Variants in ZNF513 observed in about 807,000 individuals in gnomAD.
ZNF513 encodes zinc finger protein 513.
A neutral mutation model predicts 39.7 loss-of-function variants in ZNF513; 16 were observed. The observed-to-expected ratio is 0.40, with a 90% confidence interval of 0.27 to 0.61. The LOEUF (loss-of-function observed/expected upper bound fraction) is 0.61. ZNF513 is among the 20% of genes least tolerant of loss of function. The pLI is 0.39. For synonymous variants in ZNF513, 348 were observed against 296.5 expected (o/e 1.17, Z -1.79); for missense variants, 699 against 743.6 (o/e 0.94, Z 0.70).
In ZNF513 at chr2:27,377,414, G is replaced by GC. The variant is rs765209450; in HGVS notation, c.*130dup. On this transcript the variant is annotated 3_prime_UTR_variant, in exon 4 of 4. Coordinates refer to ENST00000323703, the MANE Select transcript of ZNF513 (RefSeq NM_144631.6). This position sits in a 1 kb window ranked among gnomAD's most constrained non-coding sequence, Gnocchi z 4.4. ...AGGCAAGGTCCCCTGGTCCATATGG[G>GC]CCCCCCCGCCCATGGGGTTGGGCTG... The GC allele has an allele frequency of 3.2e-5, 32 of 1,010,792 alleles. No homozygotes were observed. Among genetic ancestry groups the GC allele is most frequent in the African/African-American group, 9.5e-5 (6 of 63,042 alleles). The allele number at this position is 1,010,792 out of a possible 1,614,324, so 62.6% of individuals were successfully genotyped here.
Position 27,380,560 on chromosome 2 carries a change from T to TGCGGCCGCCCGACCCCGCCCC in ZNF513, c.-55_-35dup. On this transcript the variant is annotated 5_prime_UTR_variant, in exon 1 of 4. Coordinates refer to ENST00000323703, the MANE Select transcript of ZNF513 (RefSeq NM_144631.6). Reference sequence around the variant, plus strand: ...GCTCCAGCCCGACGCGCCTCCGGCCTGCGGCCGCCCGACCCCGCCCCTCCT... The same window carrying TGCGGCCGCCCGACCCCGCCCC: ...GCTCCAGCCCGACGCGCCTCCGGCCTGCGGCCGCCCGACCCCGCCCCGCGGCCGCCCGACCCCGCCCCTCCT... 15 of 1,543,286 alleles carry TGCGGCCGCCCGACCCCGCCCC rather than the reference T, an allele frequency of 9.7e-6. No individual in the cohort carries two copies. The highest frequency in any genetic ancestry group is 1.2e-5 in the Non-Finnish European group (14 of 1,139,066).
Position 27,377,947 on chromosome 2 carries a change from G to C in ZNF513, c.1224C>G (p.Arg408=). The change falls in exon 4 of 4, where the codon CGC becomes CGG. Residue 408 remains arginine, a synonymous_variant. Coordinates refer to ENST00000323703, the MANE Select transcript of ZNF513 (RefSeq NM_144631.6). This position sits in a 1 kb window ranked among gnomAD's most constrained non-coding sequence, Gnocchi z 4.4. ...TGTAGGGCTTCTCTCCTGTATGGAC[G>C]CGCTGGTGCCGTTTCAGGTTATCCA... is the stretch of plus-strand genomic sequence containing the variant. ...AHLDNLKRHQ[R]VHTGEKPYKC... The C allele has an allele frequency of 6.2e-7, 1 of 1,613,966 alleles. No individual in the cohort carries two copies. Among genetic ancestry groups the C allele is most frequent in the Non-Finnish European group, 8.5e-7 (1 of 1,179,980 alleles).
intron 2 of ZNF513, 85 bp from the exon 3 acceptor site, chr2:27,379,139 C>T (rs1006911209): frequency 7.4e-7 from 1 of 1,346,954 alleles, no homozygotes; most frequent in African/African-American, 1.4e-5. Flanking sequence ...GGTCTCCCCA[C>T]TTGCTTGGCT....
chr2:27,379,046 G>C lies in ZNF513; in HGVS notation c.220C>G (p.Leu74Val). ...TAGGGAAGCCCAGGCCTGGCCCCCA[G>C]AGAGTCTCCTGGTGAAATAGACATA... ...GFERDSEGDSLGARPGLPYGL... is the reference protein window; with the variant it reads ...GFERDSEGDSVGARPGLPYGL... Residue 74 changes from leucine to valine, a missense_variant, in exon 3 of 4, where the codon CTG becomes GTG. Leu to Val is a conservative substitution (Grantham distance 32). Transcript: ENST00000323703. 6.2e-7 allele frequency: 1 copy of C among 1,612,772 alleles called. No homozygotes were observed. Among genetic ancestry groups the C allele is most frequent in the Non-Finnish European group, 8.5e-7 (1 of 1,179,922 alleles).
chr2:27,378,590 G>T lies in ZNF513; in HGVS notation c.676C>A (p.Arg226Ser). 6.2e-7 allele frequency: 1 copy of T among 1,613,862 alleles called. No homozygotes were observed. The change falls in exon 3 of 4, where the codon CGT (arginine) becomes AGT (serine). Residue 226 changes from arginine to serine, a missense_variant. Around this residue, in one of 3 missense-constraint regions of ZNF513, gnomAD observed 530 missense variants for 499.3 expected, o/e 1.06. Transcript: ENST00000323703. The surrounding 1 kb of genome is among the most constrained non-coding windows in gnomAD (Gnocchi z 8.0). ...GGAGTGGGGGGCCCTGCGTGGGTAC[G>T]CTGATGCCGCCTCAGGTTGCCCAGG... Reference protein sequence around the residue: ...SSLGNLRRHQRTHAGPPTPPC... With the variant: ...SSLGNLRRHQSTHAGPPTPPC...
Position 27,380,580 on chromosome 2 carries a change from C to T in ZNF513, c.-54G>A, listed in dbSNP as rs1683576018. On this transcript the variant is annotated 5_prime_UTR_variant, in exon 1 of 4. Transcript: ENST00000323703. ...CGGCCTGCGGCCGCCCGACCCCGCC[C>T]CTCCTATCTCGGCCCGCCTGTCTGC... The T allele has an allele frequency of 6.5e-7, 1 of 1,537,896 alleles. No individual in the cohort carries two copies. The highest frequency in any genetic ancestry group is 8.8e-7 in the Non-Finnish European group (1 of 1,137,438).
chr2:27,380,116 A>G lies in ZNF513; in HGVS notation c.188T>C (p.Met63Thr), dbSNP rs779633031. Reference sequence around the variant, plus strand: ...ACCTTCCGAGTCTCTCTCGAAGCCCATGAGCTGGTCACTGTTGCCGTCGCC... The same window carrying G: ...ACCTTCCGAGTCTCTCTCGAAGCCCGTGAGCTGGTCACTGTTGCCGTCGCC... ...EEGDGNSDQL[M>T]GFERDSEGDS... The change falls in exon 2 of 4, where the codon ATG becomes ACG. Residue 63 changes from methionine (M) to threonine (T), a missense_variant. By Grantham distance (81) the Met-to-Thr change is moderately conservative (BLOSUM62 -1). Coordinates refer to ENST00000323703, the MANE Select transcript of ZNF513 (RefSeq NM_144631.6). 1.1e-5 allele frequency: 17 copies of G among 1,613,904 alleles called. No individual in the cohort carries two copies. The African/African-American group carries it at 2.1e-4, about 20-fold the overall frequency.
rs747493535 is a variant in ZNF513 at position 27,378,666 on chromosome 2, G to A, written c.600C>T (p.His200=). ...GACAGCGGTAGGGCTTCTCGCCAGT[G>A]TGGGTGCGGGTATGTCGTGTCAGGT... ...LVNLTRHTRT[H]TGEKPYRCPH... Residue 200 remains histidine, a synonymous_variant, in exon 3 of 4, where the codon CAC becomes CAT. Transcript: ENST00000323703. This position sits in a 1 kb window ranked among gnomAD's most constrained non-coding sequence, Gnocchi z 8.0. 1.9e-6 allele frequency: 3 copies of A among 1,613,850 alleles called. No individual in the cohort carries two copies. Among genetic ancestry groups the A allele is most frequent in the Non-Finnish European group, 2.5e-6 (3 of 1,179,964 alleles).
Position 27,378,001 on chromosome 2 carries a change from G to A in ZNF513, c.1170C>T (p.Cys390=), listed in dbSNP as rs745917977. Reference sequence around the variant, plus strand: ...GAGCAGAGGCATAAGGACAGCGGGCGCAGCGGAAGGGCTTCTCACCACTGT... The same window carrying A: ...GAGCAGAGGCATAAGGACAGCGGGCACAGCGGAAGGGCTTCTCACCACTGT... ...KTHSGEKPFR[C]ARCPYASAHL... Residue 390 remains cysteine (C), a synonymous_variant, in exon 4 of 4, where the codon TGC becomes TGT. Transcript: ENST00000323703. The surrounding 1 kb of genome is among the most constrained non-coding windows in gnomAD (Gnocchi z 8.0). The A allele has an allele frequency of 1.9e-5, 31 of 1,611,300 alleles. No homozygotes were observed. Among genetic ancestry groups the A allele is most frequent in the South Asian group, 4.4e-5 (4 of 90,978 alleles).
At position 27,378,621 on chromosome 2, in the gene ZNF513, G is replaced by A. The variant is rs770003485; in HGVS notation, c.645C>T (p.Cys215=). The A allele has an allele frequency of 1.9e-6, 3 of 1,613,834 alleles. No individual in the cohort carries two copies. The South Asian group carries it at 3.3e-5, about 18-fold the overall frequency. ...GCCGCCTCAGGTTGCCCAGGCTGCT[G>A]CAGGCAAAGGGGCAGTGGGGACAGC... The part of the protein sequence containing the change: ...PYRCPHCPFA[C]SSLGNLRRHQ... The change falls in exon 3 of 4, where the codon TGC becomes TGT. Residue 215 remains cysteine, a synonymous_variant. Transcript: ENST00000323703. This position sits in a 1 kb window ranked among gnomAD's most constrained non-coding sequence, Gnocchi z 8.0.
Position 27,378,976 on chromosome 2 carries a change from G to A in ZNF513, c.290C>T (p.Ala97Val), listed in dbSNP as rs35554630. ...GGCTGGCTCCTCAACTTCACTCTCC[G>A]CACTTAGTGCCCGGCCGCCCCCAGA... is the stretch of plus-strand genomic sequence containing the variant. Reference protein sequence around the residue: ...DESGGGRALSAESEVEEPARG... With the variant: ...DESGGGRALSVESEVEEPARG... The change falls in exon 3 of 4, where the codon GCG (alanine) becomes GTG (valine). Residue 97 changes from alanine to valine, a missense_variant. This residue lies in a region of ZNF513 where 530 missense variants were observed against 499.3 expected (regional missense o/e 1.06). Coordinates refer to ENST00000323703, the MANE Select transcript of ZNF513 (RefSeq NM_144631.6). The surrounding 1 kb of genome is among the most constrained non-coding windows in gnomAD (Gnocchi z 8.0). 1.8e-3 allele frequency: 2,891 copies of A among 1,612,838 alleles called. 10 individuals carry two copies. The highest frequency in any genetic ancestry group is 2.5e-3 in the South Asian group (230 of 91,054).
intron 2 of ZNF513, 109 bp from the exon 3 acceptor site, chr2:27,379,163 T>C (rs577923771): frequency 1.6e-5 from 17 of 1,064,188 alleles, no homozygotes; most frequent in African/African-American, 4.7e-5. Context: ...CCCTTAGCTT[T>C]GATGATCCCT....
Position 27,377,730 on chromosome 2 carries a change from T to C in ZNF513, c.1441A>G (p.Thr481Ala). 1.2e-6 allele frequency: 2 copies of C among 1,614,074 alleles called. No individual in the cohort carries two copies. Among genetic ancestry groups the C allele is most frequent in the Non-Finnish European group, 1.7e-6 (2 of 1,180,002 alleles). ...PFRCATCAYT[T>A]GHWDNYKRHQ... ...CGCTTGTAGTTGTCCCAGTGGCCCGTGGTATAGGCGCAGGTGGCACAGCGG... is the reference window on the plus strand; with the variant it reads ...CGCTTGTAGTTGTCCCAGTGGCCCGCGGTATAGGCGCAGGTGGCACAGCGG... Residue 481 changes from threonine to alanine, a missense_variant, in exon 4 of 4, where the codon ACG (threonine) becomes GCG (alanine). Thr to Ala is a moderately conservative substitution (Grantham distance 58). Around this residue, in one of 3 missense-constraint regions of ZNF513, gnomAD observed 98 missense variants for 180.2 expected, o/e 0.54. Coordinates refer to ENST00000323703, the MANE Select transcript of ZNF513 (RefSeq NM_144631.6). This position sits in a 1 kb window ranked among gnomAD's most constrained non-coding sequence, Gnocchi z 4.4.
chr2:27,379,116 CCTT>C, intron 2 of ZNF513, 62 bp from the exon 3 acceptor site: 1 of 1,527,542 alleles, frequency 6.5e-7, no homozygotes, highest in East Asian at 2.3e-5. Flanking sequence ...CAAACTCTCC[CCTT>C]TTCACTTATG....
chr2:27,378,431 C>T lies in ZNF513; in HGVS notation c.799+36G>A. 6.2e-7 allele frequency: 1 copy of T among 1,613,466 alleles called. No individual in the cohort carries two copies. The highest frequency in any genetic ancestry group is 8.5e-7 in the Non-Finnish European group (1 of 1,179,992). ...CCAAGCATTCCTAGGGTCAGCCACC[C>T]ATGTCCCAAGATCTTTGGTCCCTGG... On this transcript the variant is annotated intron_variant, in intron 3 of 3. Coordinates refer to ENST00000323703, the MANE Select transcript of ZNF513 (RefSeq NM_144631.6). The surrounding 1 kb of genome is among the most constrained non-coding windows in gnomAD (Gnocchi z 8.0).
chr2:27,378,470 C>G lies in ZNF513; in HGVS notation c.796G>C (p.Glu266Gln), dbSNP rs779642304. 1.5e-5 allele frequency: 24 copies of G among 1,614,014 alleles called. No individual in the cohort carries two copies. The Admixed American group carries it at 3.8e-4, about 26-fold the overall frequency. The part of the protein sequence containing the change: ...EQEGAVPRRP[E>Q]DALLLPDLSL... ...TTTGGTCCCTGGTGTGTCTTACCTTCAGGTCGCCGGGGCACCGCCCCCTCC... is the reference window on the plus strand; with the variant it reads ...TTTGGTCCCTGGTGTGTCTTACCTTGAGGTCGCCGGGGCACCGCCCCCTCC... The change falls in exon 3 of 4, where the codon GAA (glutamate) becomes CAA (glutamine). Residue 266 changes from glutamate (E) to glutamine (Q), a missense_variant. This residue lies in a region of ZNF513 where 530 missense variants were observed against 499.3 expected (regional missense o/e 1.06). Transcript: ENST00000323703. This position sits in a 1 kb window ranked among gnomAD's most constrained non-coding sequence, Gnocchi z 8.0.
intron 2 of ZNF513, among the ~76,000 whole-genome samples, chr2:27,379,725 A>C (rs1683536177): frequency 6.6e-6 from 1 of 152,226 alleles, no homozygotes; most frequent in African/African-American, 2.4e-5. Flanking sequence ...GGTGAAAGGG[A>C]GTTAGATTAG....
chr2:27,378,736 G>A lies in ZNF513; in HGVS notation c.530C>T (p.Pro177Leu), dbSNP rs751866132. ...GTAGGGGCAGCGGCCACAGCGGAACGGCTTCTCTCCGCTGTGTGTCTGCAT... is the reference window on the plus strand; with the variant it reads ...GTAGGGGCAGCGGCCACAGCGGAACAGCTTCTCTCCGCTGTGTGTCTGCAT... ...RHMQTHSGEK[P>L]FRCGRCPYAS... The change falls in exon 3 of 4, where the codon CCG becomes CTG. Residue 177 changes from proline (P) to leucine (L), a missense_variant. Around this residue, in one of 3 missense-constraint regions of ZNF513, gnomAD observed 530 missense variants for 499.3 expected, o/e 1.06. Coordinates refer to ENST00000323703, the MANE Select transcript of ZNF513 (RefSeq NM_144631.6). The surrounding 1 kb of genome is among the most constrained non-coding windows in gnomAD (Gnocchi z 8.0). The A allele has an allele frequency of 1.9e-6, 3 of 1,614,016 alleles. No individual in the cohort carries two copies. Among genetic ancestry groups the A allele is most frequent in the Non-Finnish European group, 1.7e-6 (2 of 1,179,956 alleles).
rs1553311774 is a variant in ZNF513, at chr2:27,378,494, CCTG to C, written c.769_771del (p.Gln257del). ...TCAGGTCGCCGGGGCACCGCCCCCT[CCTG>C]CTCTGTGGGACTGGGAGGCCGGGCT... On this transcript the variant is annotated inframe_deletion, in exon 3 of 4. Transcript: ENST00000323703. This position sits in a 1 kb window ranked among gnomAD's most constrained non-coding sequence, Gnocchi z 8.0. 6.2e-7 allele frequency: 1 copy of C among 1,614,168 alleles called. No homozygotes were observed. Among genetic ancestry groups the C allele is most frequent in the Non-Finnish European group, 8.5e-7 (1 of 1,180,050 alleles).
Sources: allele counts gnomAD v4.1 joint callset (sites outside exome capture counted in the v4.1 genomes callset), GRCh38; gene constraint gnomAD v4.1.1; regional missense constraint gnomAD v4.1.1; non-coding constraint Gnocchi (gnomAD v3.1); transcripts MANE v1.5; gene names NCBI Gene and HGNC (gene_info 2026-07-23, HGNC 2026-07-21).